DLGAP1: variants seen among roughly 807,000 people sequenced by gnomAD.
DLGAP1 encodes disks large-associated protein 1.
Under a neutral mutation model 90.8 loss-of-function variants are expected in DLGAP1, and 11 were observed. The ratio of observed to expected loss-of-function variants is 0.12; its 90% confidence interval spans 0.08 to 0.20. The LOEUF is 0.20. Among genes scored for constraint, DLGAP1 ranks in the 10% least tolerant of loss-of-function variants. DLGAP1 has a pLI of 1.00. For synonymous variants in DLGAP1, 558 were observed against 540.7 expected (o/e 1.03, Z -0.44); for missense variants, 1,050 against 1,333.8 (o/e 0.79, Z 3.31).
chr18:4,158,731 A>T (rs573846638), intron 1 of DLGAP1, among the ~76,000 whole-genome samples: 2 of 152,280 alleles, frequency 1.3e-5, no homozygotes, highest in South Asian at 4.1e-4. Context: ...ATTTAATTCA[A>T]TTTTAATATT....
chr18:4,104,198 T>C (rs1312899301), intron 2 of DLGAP1, among the ~76,000 whole-genome samples: 1 of 152,084 alleles, frequency 6.6e-6, no homozygotes, highest in African/African-American at 2.4e-5. Context: ...CTGAATTTCA[T>C]GCTTATTTTA....
rs143335750 is a variant in DLGAP1, at chr18:4,146,149, G to A, written c.-159+5031C>T. Among the ~76,000 whole-genome samples the A allele has an allele frequency of 2.2e-3, 328 of 152,238 alleles. 2 individuals carry two copies. The highest frequency in any genetic ancestry group is 7.2e-3 in the African/African-American group (299 of 41,534). ...GTAACCTCCATTAACCTCCAAAACC[G>A]TGGTGGGATTCTGGTCAGCTTCTAG... On this transcript the variant is annotated intron_variant, in intron 2 of 12. Coordinates refer to ENST00000315677, the MANE Select transcript of DLGAP1 (RefSeq NM_004746.4).
At chr18:3,770,668 T>G (rs1446320854) in intron 5 of DLGAP1, among the ~76,000 whole-genome samples, 1 of 151,886 alleles carries the variant, frequency 6.6e-6, no homozygotes, top group Non-Finnish European at 1.5e-5. Flanking sequence ...AATCATTAAC[T>G]TCACAGATTC....
At chr18:3,821,951 TC>T in intron 4 of DLGAP1, 1 of 985,192 alleles carries the variant, frequency 1.0e-6, no homozygotes, top group Non-Finnish European at 1.2e-6. Flanking sequence ...CACACAGCTT[TC>T]ACCTTGACAA....
rs2049711225 is a variant in DLGAP1, at chr18:3,496,836, G to A, written c.*2349C>T. 1 of 152,122 alleles carries A rather than the reference G, an allele frequency of 6.6e-6. No individual in the cohort carries two copies. The highest frequency in any genetic ancestry group is 1.5e-5 in the Non-Finnish European group (1 of 68,018). 9.4% of individuals were successfully genotyped at this position (152,122 alleles called of 1,614,324 possible). On this transcript the variant is annotated 3_prime_UTR_variant, in exon 13 of 13. Transcript: ENST00000315677. ...CAATTTAAATTGTATTTTCAAGGAA[G>A]GCAAAGATCATGATGCCCTGTAGGC...
At chr18:4,446,259 C>T (rs891335926) in intron 1 of DLGAP1, among the ~76,000 whole-genome samples, 1 of 152,078 alleles carries the variant, frequency 6.6e-6, no homozygotes, top group Non-Finnish European at 1.5e-5. Context: ...GGAATACTAG[C>T]GAATGGGATT....
chr18:4,384,206 G>A (rs569931990), intron 1 of DLGAP1, among the ~76,000 whole-genome samples: 1 of 152,240 alleles, frequency 6.6e-6, no homozygotes, highest in East Asian at 1.9e-4. Context: ...AGGGTCCAGG[G>A]AGGACATTTG....
chr18:4,443,389 C>T (rs542079825), intron 1 of DLGAP1, among the ~76,000 whole-genome samples: 1 of 152,204 alleles, frequency 6.6e-6, no homozygotes, highest in African/African-American at 2.4e-5. Context: ...CATCTAGCAC[C>T]AACCATTGGC....
At chr18:3,572,806 G>T (rs1312440787) in intron 8 of DLGAP1, among the ~76,000 whole-genome samples, 1 of 152,120 alleles carries the variant, frequency 6.6e-6, no homozygotes, top group Non-Finnish European at 1.5e-5. Context: ...AATGGCTTCT[G>T]ATTTTTACCA....
At chr18:3,521,237 T>C (rs748198901) in intron 10 of DLGAP1, among the ~76,000 whole-genome samples, 1 of 152,152 alleles carries the variant, frequency 6.6e-6, no homozygotes, top group East Asian at 1.9e-4. Context: ...AATCCATCCA[T>C]AGTGTAAATG....
intron 7 of DLGAP1, among the ~76,000 whole-genome samples, chr18:3,712,439 AC>A (rs1366264378): frequency 1.3e-5 from 2 of 152,178 alleles, no homozygotes; most frequent in Admixed American, 6.5e-5. Context: ...GGAAAGTCTC[AC>A]CTGGGGCTCA....
chr18:4,203,992 G>A (rs2077664819), intron 1 of DLGAP1, among the ~76,000 whole-genome samples: 1 of 152,148 alleles, frequency 6.6e-6, no homozygotes, highest in Middle Eastern at 3.2e-3. Flanking sequence ...AAGAAGCTTA[G>A]GATTTACCAT....
intron 3 of DLGAP1, among the ~76,000 whole-genome samples, chr18:3,956,411 G>A (rs1013321326): frequency 4.6e-5 from 7 of 150,998 alleles, no homozygotes; most frequent in East Asian, 2.0e-4. Flanking sequence ...GTGCAGTGGC[G>A]TGATCTGGCT....
At chr18:3,783,761 TA>T (rs1478044919) in intron 5 of DLGAP1, among the ~76,000 whole-genome samples, 5 of 152,234 alleles carry the variant, frequency 3.3e-5, no homozygotes, top group African/African-American at 1.2e-4. Context: ...GGGTGTGTTA[TA>T]TAGTATGTGC....
At chr18:4,237,576 C>T (rs2078445493) in intron 1 of DLGAP1, among the ~76,000 whole-genome samples, 1 of 152,030 alleles carries the variant, frequency 6.6e-6, no homozygotes, top group Admixed American at 6.6e-5. Context: ...CTGCGGCCCT[C>T]TCTTCAAATT....
chr18:3,752,568 CTCTT>C (rs1348550345), intron 5 of DLGAP1, among the ~76,000 whole-genome samples: 58 of 120,854 alleles, frequency 4.8e-4, no homozygotes, highest in African/African-American at 1.7e-3. Flanking sequence ...CCTTCTCTTT[CTCTT>C]TCTTTCTTCT....
At chr18:4,244,711 T>C (rs1484684645) in intron 1 of DLGAP1, among the ~76,000 whole-genome samples, 1 of 152,152 alleles carries the variant, frequency 6.6e-6, no homozygotes, top group Non-Finnish European at 1.5e-5. Context: ...ATAAAATAGG[T>C]AGGATTATGT....
chr18:4,169,836 T>C (rs1404480289), intron 1 of DLGAP1, among the ~76,000 whole-genome samples: 1 of 152,216 alleles, frequency 6.6e-6, no homozygotes, highest in Non-Finnish European at 1.5e-5. Flanking sequence ...TAAGACTCAG[T>C]TGTCTCAGGT....
chr18:4,177,297 G>A (rs2144630958), intron 1 of DLGAP1, among the ~76,000 whole-genome samples: 1 of 150,914 alleles, frequency 6.6e-6, no homozygotes, highest in East Asian at 2.0e-4. Context: ...AATACTTAGA[G>A]TGGCTGTTTT....
Sources: allele counts gnomAD v4.1 joint callset (sites outside exome capture counted in the v4.1 genomes callset), GRCh38; gene constraint gnomAD v4.1.1; transcripts MANE v1.5; gene names NCBI Gene and HGNC (gene_info 2026-07-23, HGNC 2026-07-21).